UQCC5: variants seen among roughly 807,000 people sequenced by gnomAD.
UQCC5 encodes UPF0640 protein C3orf78.
chr3:52,541,558 C>T, the UQCC5 span: 1 of 152,236 alleles, frequency 6.6e-6, no homozygotes, highest in African/African-American at 2.4e-5. Context: ...GCACTACCTA[C>T]ACTACAGTGC....
At chr3:52,539,683 G>C in the UQCC5 span, among the ~76,000 whole-genome samples, 1 of 151,148 alleles carries the variant, frequency 6.6e-6, no homozygotes, top group African/African-American at 2.4e-5. Context: ...CTGTCACCCA[G>C]GCTGGAGTGT....
At chr3:52,536,778 G>GCC in the UQCC5 span, 1 of 1,551,854 alleles carries the variant, frequency 6.4e-7, no homozygotes, top group Non-Finnish European at 8.7e-7. Flanking sequence ...GCCCAGGTGA[G>GCC]ACGGATTCTG....
At chr3:52,538,428 A>G in the UQCC5 span, among the ~76,000 whole-genome samples, 1 of 152,224 alleles carries the variant, frequency 6.6e-6, no homozygotes. Flanking sequence ...TCAGAAGCAA[A>G]TTATGATGGA....
the UQCC5 span, chr3:52,536,725 G>A: frequency 4.0e-4 from 617 of 1,551,318 alleles, no homozygotes; most frequent in Non-Finnish European, 5.0e-4. Context: ...GCTTAGTTCC[G>A]TCATATCCCT....
chr3:52,540,792 C>A, the UQCC5 span: 1 of 240,634 alleles, frequency 4.2e-6, no homozygotes, highest in Non-Finnish European at 7.9e-6. Flanking sequence ...CAGTGAAGCC[C>A]GAATTGTTTT....
At chr3:52,538,491 C>T in the UQCC5 span, among the ~76,000 whole-genome samples, 1 of 152,184 alleles carries the variant, frequency 6.6e-6, no homozygotes, top group African/African-American at 2.4e-5. Context: ...GACTGAGTTT[C>T]GCTCTTGTTG....
At chr3:52,541,722 G>A in the UQCC5 span, 1 of 152,110 alleles carries the variant, frequency 6.6e-6, no homozygotes, top group African/African-American at 2.4e-5. Context: ...ACCATTTTTA[G>A]TGACTTGACT....
At chr3:52,539,966 C>T in the UQCC5 span, among the ~76,000 whole-genome samples, 1 of 152,104 alleles carries the variant, frequency 6.6e-6, no homozygotes, top group South Asian at 2.1e-4. Flanking sequence ...ATGAAGGTGG[C>T]GAGTCAAAGG....
the UQCC5 span, among the ~76,000 whole-genome samples, chr3:52,539,917 G>A: frequency 3.3e-5 from 5 of 152,310 alleles, no homozygotes; most frequent in East Asian, 7.7e-4. Flanking sequence ...GATTACAGGC[G>A]TGAGCCACTG....
the UQCC5 span, among the ~76,000 whole-genome samples, chr3:52,537,690 A>T: frequency 5.3e-5 from 8 of 152,210 alleles, no homozygotes; most frequent in East Asian, 1.9e-4. Flanking sequence ...ATGGGAAAGA[A>T]GATGATAAAG....
the UQCC5 span, among the ~76,000 whole-genome samples, chr3:52,538,457 T>A: frequency 6.6e-6 from 1 of 152,210 alleles, no homozygotes; most frequent in Non-Finnish European, 1.5e-5. Flanking sequence ...CCCAACATTT[T>A]AATTTAATTT....
At chr3:52,536,664 TACACGGCGAGAAC>T in the UQCC5 span, 2 of 1,514,048 alleles carry the variant, frequency 1.3e-6, no homozygotes, top group Admixed American at 2.0e-5. Context: ...CAGGTCGCGG[TACACGGCGAGAAC>T]GGGCGGGGCG....
At chr3:52,536,732 C>A in the UQCC5 span, 1 of 1,551,588 alleles carries the variant, frequency 6.4e-7, no homozygotes, top group East Asian at 2.4e-5. Context: ...TCCGTCATAT[C>A]CCTCTCCACG....
chr3:52,538,884 C>G, the UQCC5 span, among the ~76,000 whole-genome samples: 10 of 152,250 alleles, frequency 6.6e-5, no homozygotes, highest in Admixed American at 2.0e-4. Flanking sequence ...GGAGGTAACC[C>G]CCCTTCCTCT....
chr3:52,540,569 T>C, the UQCC5 span: 3 of 971,494 alleles, frequency 3.1e-6, no homozygotes, highest in Non-Finnish European at 4.5e-6. Flanking sequence ...TTCAGATCTC[T>C]TGTTCTGACA....
At chr3:52,536,950 C>G in the UQCC5 span, 1 of 1,549,086 alleles carries the variant, frequency 6.5e-7, no homozygotes, top group East Asian at 2.4e-5. Context: ...CAGGAAGGCA[C>G]GAGGCGGTAG....
chr3:52,539,309 C>T, the UQCC5 span, among the ~76,000 whole-genome samples: 1 of 152,152 alleles, frequency 6.6e-6, no homozygotes, highest in Non-Finnish European at 1.5e-5. Context: ...GGAGAGAGAA[C>T]AAGAAGCGGC....
the UQCC5 span, chr3:52,541,883 T>C: frequency 6.6e-6 from 1 of 152,258 alleles, no homozygotes; most frequent in East Asian, 1.9e-4. Context: ...AATAAAACCA[T>C]TGGCTAACTT....
chr3:52,539,521 A>G, the UQCC5 span, among the ~76,000 whole-genome samples: 1 of 152,234 alleles, frequency 6.6e-6, no homozygotes, highest in East Asian at 1.9e-4. Flanking sequence ...GGCACAGGAC[A>G]GGGTCAAGGA....
Sources: gnomAD v4.1 joint callset for allele counts (sites outside exome capture counted in the v4.1 genomes callset) on GRCh38, gnomAD v4.1.1 for gene constraint, MANE v1.5 for transcripts, NCBI Gene and HGNC (gene_info 2026-07-23, HGNC 2026-07-21) for gene names.